CCDC7: variants seen among roughly 807,000 people sequenced by gnomAD.
The protein encoded by CCDC7 is coiled-coil domain-containing protein 7.
CCDC7 carries 183 observed loss-of-function variants against 196.9 expected under a neutral mutation model. That is an observed-to-expected ratio of 0.93 (90% CI 0.82 to 1.05). The LOEUF (loss-of-function observed/expected upper bound fraction) is 1.05, where lower values mean the gene tolerates loss of function less well. Among genes scored for constraint, CCDC7 ranks in the 50% least tolerant of loss-of-function variants. The probability of loss-of-function intolerance (pLI) is 0.00; values close to 1 mark genes in which losing one functional copy is unlikely to be tolerated. For synonymous variants in CCDC7, 525 were observed against 484.6 expected, an observed-to-expected ratio of 1.08 and a Z score of -1.10; for missense variants, 1,540 against 1,482.2, an observed-to-expected ratio of 1.04 and a Z score of -0.64.
chr10:32,731,771 G>C (rs1019238290), intron 28 of CCDC7, among the ~76,000 whole-genome samples: 5 of 152,068 alleles, frequency 3.3e-5, no homozygotes, highest in African/African-American at 1.2e-4. Context: ...AAAACTGATA[G>C]GGCTGGGCAC....
intron 8 of CCDC7, among the ~76,000 whole-genome samples, chr10:32,477,921 T>C (rs1277040658): frequency 6.6e-6 from 1 of 152,218 alleles, no homozygotes; most frequent in East Asian, 1.9e-4. Context: ...ATGGATTAAA[T>C]GGACAAGAAC....
At chr10:32,643,591 T>C (rs1202250117) in intron 20 of CCDC7, among the ~76,000 whole-genome samples, 1 of 152,062 alleles carries the variant, frequency 6.6e-6, no homozygotes, top group African/African-American at 2.4e-5. Flanking sequence ...TCTCTTTAAT[T>C]TATTTCTTTA....
intron 9 of CCDC7, among the ~76,000 whole-genome samples, chr10:32,509,471 G>A (rs2045754602): frequency 6.7e-6 from 1 of 148,392 alleles, no homozygotes; most frequent in South Asian, 2.1e-4. Flanking sequence ...TAGGAAATAA[G>A]CTCCATGACA....
In CCDC7 at chr10:32,845,297, C is replaced by T. The variant is rs561388425; in HGVS notation, c.3407C>T (p.Ser1136Leu). 7.0e-6 allele frequency: 11 copies of T among 1,573,960 alleles called. No homozygotes were observed. The East Asian group carries it at 2.5e-4, about 36-fold the overall frequency. ...ACTGGAAGAGGTATAATAAAGGGAT[C>T]AATCAATGCACAACTAAAGGGTCAC... Residue 1136 changes from serine (S) to leucine (L), a missense_variant, in exon 34 of 42, where the codon TCA (serine) becomes TTA (leucine). Physicochemically the swap from Ser to Leu is moderately radical, Grantham distance 145. Coordinates refer to ENST00000639629, the Ensembl canonical transcript of CCDC7.
chr10:32,722,833 G>A (rs1416135359), intron 25 of CCDC7, among the ~76,000 whole-genome samples: 3 of 152,020 alleles, frequency 2.0e-5, no homozygotes, highest in East Asian at 3.9e-4. Flanking sequence ...GATCATAGTT[G>A]TGCACCAAAT....
chr10:32,530,922 G>A (rs2049545526), intron 11 of CCDC7, among the ~76,000 whole-genome samples: 1 of 152,012 alleles, frequency 6.6e-6, no homozygotes, highest in Non-Finnish European at 1.5e-5. Flanking sequence ...ATAATTTTGA[G>A]TTATGTTCCA....
At chr10:32,649,707 T>G (rs937529895) in intron 20 of CCDC7, among the ~76,000 whole-genome samples, 2 of 152,242 alleles carry the variant, frequency 1.3e-5, no homozygotes, top group Admixed American at 6.5e-5. Context: ...GTTTTGTTCA[T>G]TTTTCTTAAT....
At chr10:32,804,558 T>C (rs781221834) in intron 29 of CCDC7, among the ~76,000 whole-genome samples, 9 of 152,176 alleles carry the variant, frequency 5.9e-5, no homozygotes, top group South Asian at 2.1e-4. Flanking sequence ...CCTGTGATTA[T>C]GAAGATCATT....
rs140378509 is a variant in CCDC7 at position 32,546,674 on chromosome 10, A to G, written c.1134+2373A>G. 5.9e-5 allele frequency among the ~76,000 whole-genome samples: 9 copies of G among 152,368 alleles called. No individual in the cohort carries two copies. In the East Asian group the frequency reaches 1.7e-3, roughly 29 times the overall value. On this transcript the variant is annotated intron_variant, in intron 13 of 41. Transcript: ENST00000639629. The stretch of plus-strand genomic sequence containing the variant: ...TGTAGCATTAGTTTTCTATTGCTGC[A>G]TAGCAAGTTACCACAAATTTAGCAG...
chr10:32,696,093 C>A (rs1261220238), intron 24 of CCDC7, among the ~76,000 whole-genome samples: 3 of 151,658 alleles, frequency 2.0e-5, no homozygotes, highest in Non-Finnish European at 2.9e-5. Flanking sequence ...CCATATACCC[C>A]AAAAAAATGG....
At chr10:32,618,940 A>G (rs565790215) in intron 18 of CCDC7, among the ~76,000 whole-genome samples, 109 of 149,440 alleles carry the variant, frequency 7.3e-4, no homozygotes, top group African/African-American at 2.4e-3. Context: ...ATTCTGTTCT[A>G]TTCTTTTATC....
intron 33 of CCDC7, among the ~76,000 whole-genome samples, chr10:32,841,074 C>T (rs1165479601): frequency 1.3e-5 from 2 of 151,828 alleles, no homozygotes; most frequent in African/African-American, 4.8e-5. Flanking sequence ...AAGCATTCCC[C>T]CTGAAAACTG....
At chr10:32,689,277 C>T in intron 23 of CCDC7, 114 bp downstream of exon 24, 1 of 643,018 alleles carries the variant, frequency 1.6e-6, no homozygotes, top group Non-Finnish European at 2.6e-6. Context: ...GAATACCCTA[C>T]CATAATTAAA....
rs1010748407 is a variant in CCDC7, at chr10:32,727,678, A to C, written c.2668+846A>C. On this transcript the variant is annotated intron_variant, in intron 26 of 41. Coordinates refer to ENST00000639629, the Ensembl canonical transcript of CCDC7. Reference sequence around the variant, plus strand: ...AAAGCAATTGCAGTTTTTGCCATAAATTGCTTTTGTACCAACCTAATATAT... The same window carrying C: ...AAAGCAATTGCAGTTTTTGCCATAACTTGCTTTTGTACCAACCTAATATAT... 2.0e-5 allele frequency among the ~76,000 whole-genome samples: 3 copies of C among 152,064 alleles called. No homozygotes were observed. The South Asian group carries it at 6.2e-4, about 32-fold the overall frequency.
intron 18 of CCDC7, among the ~76,000 whole-genome samples, chr10:32,599,726 GA>G (rs151320343): frequency 0.089 from 13,512 of 152,132 alleles, 854 homozygotes; most frequent in East Asian, 0.33. Context: ...ATACAATGGT[GA>G]AGTGTGAGAT....
intron 28 of CCDC7, among the ~76,000 whole-genome samples, chr10:32,739,917 G>A (rs2085535753): frequency 6.6e-6 from 1 of 151,904 alleles, no homozygotes; most frequent in South Asian, 2.1e-4. Flanking sequence ...GAGGCTTGCA[G>A]ATATTTTAGC....
chr10:32,862,347 A>T (rs1452903902), intron 41 of CCDC7, among the ~76,000 whole-genome samples: 2 of 151,596 alleles, frequency 1.3e-5, no homozygotes, highest in Admixed American at 1.3e-4. Flanking sequence ...GTTCTCACTT[A>T]TAAGTGGGAG....
chr10:32,709,343 A>C (rs2080402652), intron 24 of CCDC7, among the ~76,000 whole-genome samples: 2 of 129,154 alleles, frequency 1.5e-5, no homozygotes, highest in Non-Finnish European at 3.3e-5. Context: ...GGGGGGAGGG[A>C]TAGCATTAAG....
At chr10:32,705,313 A>G (rs935473874) in intron 24 of CCDC7, among the ~76,000 whole-genome samples, 1 of 152,112 alleles carries the variant, frequency 6.6e-6, no homozygotes, top group Admixed American at 6.5e-5. Context: ...AAGCTCCTGA[A>G]GGAAGCGCTA....
Sources: gnomAD v4.1 joint callset for allele counts (sites outside exome capture counted in the v4.1 genomes callset) on GRCh38, gnomAD v4.1.1 for gene constraint, MANE v1.5 for transcripts, NCBI Gene and HGNC (gene_info 2026-07-23, HGNC 2026-07-21) for gene names.